UBE2H: variants seen among roughly 807,000 people sequenced by gnomAD.
The protein encoded by UBE2H is ubiquitin conjugating enzyme E2 H.
In UBE2H, 3 loss-of-function variants were observed where a neutral mutation model predicts 29.0. The observed-to-expected ratio is 0.10, with a 90% CI of 0.05 to 0.27. The LOEUF (loss-of-function observed/expected upper bound fraction) is 0.27. UBE2H is among the 10% of genes least tolerant of loss of function. UBE2H has a pLI of 1.00. For missense variants in UBE2H, 68 were observed against 228.2 expected (o/e 0.30, Z 4.52); for synonymous variants, 69 against 82.9 (o/e 0.83, Z 0.91).
rs142917567 is a variant in UBE2H at position 129,942,263 on chromosome 7, G to A, written c.53+10240C>T. Reference sequence around the variant, plus strand: ...CTTCAAAAAATTCCAGGCTGGGCGCGGTGGCTCACACCTGTAATCCCAGCA... The same window carrying A: ...CTTCAAAAAATTCCAGGCTGGGCGCAGTGGCTCACACCTGTAATCCCAGCA... On this transcript the variant is annotated intron_variant, in intron 1 of 6. Transcript: ENST00000355621. Among the ~76,000 whole-genome samples the A allele has an allele frequency of 6.0e-3, 894 of 147,902 alleles. 10 individuals carry two copies. The highest frequency in any genetic ancestry group is 0.021 in the African/African-American group (842 of 40,118).
At chr7:129,952,376 G>T in intron 1 of UBE2H, 127 bp downstream of exon 1, 2 of 1,198,146 alleles carry the variant, frequency 1.7e-6, no homozygotes, top group Non-Finnish European at 2.3e-6. Flanking sequence ...GTAGGCACTG[G>T]GGGAGGAGGG....
chr7:129,836,164 CTTAA>C (rs1204297260), intron 6 of UBE2H, among the ~76,000 whole-genome samples: 19 of 152,150 alleles, frequency 1.2e-4, no homozygotes, highest in Non-Finnish European at 2.4e-4. Flanking sequence ...AGGAATTTAC[CTTAA>C]TTGAGAAATA....
rs540443372 is a variant in UBE2H at position 129,952,956 on chromosome 7, G to T, written c.-401C>A. 1.3e-5 allele frequency: 2 copies of T among 155,994 alleles called. No homozygotes were observed. Among genetic ancestry groups the T allele is most frequent in the South Asian group, 2.1e-4 (1 of 4,874 alleles). The allele number at this position is 155,994 out of a possible 1,614,324, so 9.7% of individuals were successfully genotyped here. The stretch of plus-strand genomic sequence containing the variant: ...CAGTCGGCCTCCCTACCCCAGCCTC[G>T]CTCTGGGCGCCGTGACGTCACCTCT... On this transcript the variant is annotated 5_prime_UTR_variant, in exon 1 of 7. Transcript: ENST00000355621.
rs1182456971 is a variant in UBE2H, at chr7:129,926,530, A to C, written c.53+25973T>G. Among the ~76,000 whole-genome samples, 5 of 152,022 alleles carry C rather than the reference A, an allele frequency of 3.3e-5. No homozygotes were observed. In the South Asian group the frequency reaches 1.0e-3, roughly 32 times the overall value. ...TCTCAAAAAAAAAAAAAGAAAAAAG[A>C]AACTCCTGGCCTCGAGTGATTCTCC... On this transcript the variant is annotated intron_variant, in intron 1 of 6. Transcript: ENST00000355621.
intron 5 of UBE2H, among the ~76,000 whole-genome samples, chr7:129,850,897 GAGAAAGAA>G (rs1205194320): frequency 6.6e-6 from 1 of 151,592 alleles, no homozygotes; most frequent in Non-Finnish European, 1.5e-5. Flanking sequence ...AGGAGAGAGA[GAGAAAGAA>G]AGAAAGAAGA....
chr7:129,863,527 A>G (rs77853406), intron 3 of UBE2H, among the ~76,000 whole-genome samples: 3,075 of 152,270 alleles, frequency 0.02, 50 homozygotes, highest in Non-Finnish European at 0.029. Flanking sequence ...AATGGCAAGC[A>G]CTCTGAGAAC....
intron 1 of UBE2H, among the ~76,000 whole-genome samples, chr7:129,932,667 G>C (rs1807431235): frequency 6.6e-6 from 1 of 151,266 alleles, no homozygotes; most frequent in Middle Eastern, 3.2e-3. Flanking sequence ...CCAGCTACTC[G>C]GGAGGCTGAG....
At chr7:129,851,811 T>A (rs1474615590) in intron 5 of UBE2H, among the ~76,000 whole-genome samples, 1 of 152,196 alleles carries the variant, frequency 6.6e-6, no homozygotes, top group African/African-American at 2.4e-5. Context: ...TTTATGTATA[T>A]AACTAGTTAG....
At chr7:129,881,924 G>C (rs1430315039) in intron 1 of UBE2H, among the ~76,000 whole-genome samples, 1 of 152,124 alleles carries the variant, frequency 6.6e-6, no homozygotes, top group Non-Finnish European at 1.5e-5. Context: ...GCCACAAGCA[G>C]TACTGCCAAA....
intron 1 of UBE2H, among the ~76,000 whole-genome samples, chr7:129,941,642 T>C (rs62489374): frequency 0.19 from 28,735 of 151,870 alleles, 3,067 homozygotes; most frequent in African/African-American, 0.28. Flanking sequence ...TGGAGTGCAG[T>C]GGCATAATGA....
chr7:129,886,645 G>A (rs939656438), intron 1 of UBE2H, among the ~76,000 whole-genome samples: 1 of 151,946 alleles, frequency 6.6e-6, no homozygotes, highest in Non-Finnish European at 1.5e-5. Flanking sequence ...GCAGAGGGCA[G>A]AAGCAAGTCG....
intron 1 of UBE2H, among the ~76,000 whole-genome samples, chr7:129,914,786 C>T (rs182566043): frequency 1.7e-4 from 26 of 152,202 alleles, no homozygotes; most frequent in African/African-American, 4.3e-4. Context: ...TCAAAGCTCC[C>T]GAGTTATACA....
intron 1 of UBE2H, among the ~76,000 whole-genome samples, chr7:129,944,033 G>A (rs1807701401): frequency 6.6e-6 from 1 of 152,136 alleles, no homozygotes; most frequent in South Asian, 2.1e-4. Flanking sequence ...AGTGCTTTAA[G>A]AGCATGTAAT....
chr7:129,947,093 G>A (rs936845538), intron 1 of UBE2H, among the ~76,000 whole-genome samples: 2 of 152,102 alleles, frequency 1.3e-5, no homozygotes, highest in African/African-American at 4.8e-5. Context: ...AATACAGGAG[G>A]GACGTTTATG....
At position 129,833,227 on chromosome 7, in the gene UBE2H, A is replaced by G. The variant is rs1244896153; in HGVS notation, c.*1710T>C. The G allele has an allele frequency of 6.6e-6, 1 of 152,660 alleles. No individual in the cohort carries two copies. Among genetic ancestry groups the G allele is most frequent in the African/African-American group, 2.4e-5 (1 of 41,448 alleles). 9.5% of individuals were successfully genotyped at this position (152,660 alleles called of 1,614,324 possible). On this transcript the variant is annotated 3_prime_UTR_variant, in exon 7 of 7. Coordinates refer to ENST00000355621, the MANE Select transcript of UBE2H (RefSeq NM_003344.4). ...TTGTACTTTATATAGATTTTCAAAC[A>G]AAAGATTGATTGTGCTTTTTGAATA...
chr7:129,917,495 A>T (rs187502978), intron 1 of UBE2H, among the ~76,000 whole-genome samples: 175 of 152,304 alleles, frequency 1.1e-3, no homozygotes, highest in African/African-American at 4.0e-3. Context: ...TGGTGGTAAC[A>T]AAAGACCATG....
intron 6 of UBE2H, among the ~76,000 whole-genome samples, 198 bp downstream of exon 6, chr7:129,839,009 G>T (rs972571064): frequency 2.6e-5 from 4 of 152,148 alleles, no homozygotes; most frequent in Non-Finnish European, 4.4e-5. Flanking sequence ...GGGAAAATAG[G>T]ATTCTAAATC....
At chr7:129,855,013 C>T (rs981949039) in intron 5 of UBE2H, among the ~76,000 whole-genome samples, 4 of 152,086 alleles carry the variant, frequency 2.6e-5, no homozygotes, top group African/African-American at 7.2e-5. Flanking sequence ...AAAGCAGATT[C>T]GTGGTTGCCT....
intron 3 of UBE2H, among the ~76,000 whole-genome samples, chr7:129,863,808 G>GTTTTTTTTTTTGTTTGTTTTT (rs1554432032): frequency 5.9e-5 from 8 of 136,040 alleles, no homozygotes; most frequent in African/African-American, 2.2e-4. Flanking sequence ...AATACTAGGT[G>GTTTTTTTTTTTGTTTGTTTTT]TTTTTTTTTT....
Sources: gnomAD v4.1 joint callset for allele counts (sites outside exome capture counted in the v4.1 genomes callset) on GRCh38, gnomAD v4.1.1 for gene constraint, MANE v1.5 for transcripts, NCBI Gene and HGNC (gene_info 2026-07-23, HGNC 2026-07-21) for gene names.